Variants in GALNT13 observed in about 807,000 individuals in gnomAD.
GALNT13 encodes the protein UDP-GalNAc:polypeptide N-acetylgalactosaminyltransferase 13.
GALNT13 carries 28 observed loss-of-function variants against 64.2 expected under a neutral mutation model. That is an observed-to-expected ratio of 0.44 (90% CI 0.32 to 0.60). The LOEUF (loss-of-function observed/expected upper bound fraction) is 0.60, where lower values mean the gene tolerates loss of function less well. Among genes scored for constraint, GALNT13 ranks in the 20% least tolerant of loss-of-function variants. GALNT13 has a pLI of 0.05. For missense variants in GALNT13, 577 were observed against 669.8 expected (o/e 0.86, Z 1.53); for synonymous variants, 214 against 224.6 (o/e 0.95, Z 0.42).
At chr2:153,254,516 G>A in the GALNT13 span, among the ~76,000 whole-genome samples, 2 of 152,124 alleles carry the variant, frequency 1.3e-5, no homozygotes, top group Non-Finnish European at 2.9e-5. Context: ...GCTAGCTTTT[G>A]AATATGTTTG....
intron 9 of GALNT13, among the ~76,000 whole-genome samples, chr2:154,313,437 TACAC>T (rs149447992): frequency 8.7e-5 from 12 of 137,500 alleles, no homozygotes; most frequent in Non-Finnish European, 1.3e-4. Context: ...TATATATATA[TACAC>T]ACACACACAA....
chr2:153,513,456 A>G, the GALNT13 span, among the ~76,000 whole-genome samples: 6 of 152,166 alleles, frequency 3.9e-5, no homozygotes. Context: ...ATGCTTGTCA[A>G]TATCTATGTC....
chr2:153,657,967 T>G, the GALNT13 span, among the ~76,000 whole-genome samples: 1 of 152,086 alleles, frequency 6.6e-6, no homozygotes, highest in African/African-American at 2.4e-5. Context: ...TAAGTCTGCC[T>G]TCTGCAGCAT....
chr2:153,208,973 CTTTTTTTTT>C, the GALNT13 span, among the ~76,000 whole-genome samples: 4 of 74,682 alleles, frequency 5.4e-5, no homozygotes, highest in South Asian at 5.2e-4. Flanking sequence ...TGGTTTTGGT[CTTTTTTTTT>C]TTTTTTTTTT....
intron 1 of GALNT13, among the ~76,000 whole-genome samples, chr2:153,888,485 G>A (rs926006637): frequency 6.6e-6 from 1 of 151,852 alleles, no homozygotes; most frequent in Non-Finnish European, 1.5e-5. Context: ...AAACCTATTA[G>A]AACTTTTGCC....
In GALNT13 at chr2:154,199,951, G is replaced by A. The variant is rs1050230067; in HGVS notation, c.312-42079G>A. Among the ~76,000 whole-genome samples the A allele has an allele frequency of 5.3e-5, 8 of 151,844 alleles. No individual in the cohort carries two copies. The South Asian group carries it at 1.0e-3, about 20-fold the overall frequency. On this transcript the variant is annotated intron_variant, in intron 4 of 12. Transcript: ENST00000392825. ...TTATATCCTTGATTTTATAATTACC[G>A]AGCAAGAATTCCAGAGATATGCACA...
chr2:153,198,682 C>T, the GALNT13 span, among the ~76,000 whole-genome samples: 2 of 152,240 alleles, frequency 1.3e-5, no homozygotes, highest in Middle Eastern at 3.4e-3. Context: ...CACTCTTTTG[C>T]CTTCTTTTCT....
chr2:153,401,001 C>G, the GALNT13 span, among the ~76,000 whole-genome samples: 8 of 151,098 alleles, frequency 5.3e-5, no homozygotes, highest in Non-Finnish European at 1.0e-4. Flanking sequence ...TTTTCTAGTT[C>G]TTTTAATTGT....
intron 3 of GALNT13, among the ~76,000 whole-genome samples, chr2:154,072,443 G>A (rs1357137621): frequency 6.6e-6 from 1 of 151,970 alleles, no homozygotes; most frequent in Non-Finnish European, 1.5e-5. Context: ...GTTTTTTTAT[G>A]ATCAAAGAGA....
At chr2:154,110,921 A>T (rs969945068) in intron 3 of GALNT13, among the ~76,000 whole-genome samples, 1 of 152,188 alleles carries the variant, frequency 6.6e-6, no homozygotes, top group Non-Finnish European at 1.5e-5. Flanking sequence ...AAATGCATCA[A>T]TCCGGAACCC....
At chr2:153,369,048 TTAAG>T in the GALNT13 span, among the ~76,000 whole-genome samples, 1 of 152,018 alleles carries the variant, frequency 6.6e-6, no homozygotes, top group Non-Finnish European at 1.5e-5. Context: ...TATTTGGAAA[TTAAG>T]TATCATACTT....
intron 3 of GALNT13, among the ~76,000 whole-genome samples, chr2:154,062,274 T>C (rs1026388074): frequency 2.6e-5 from 4 of 152,216 alleles, no homozygotes; most frequent in Non-Finnish European, 4.4e-5. Context: ...TCATTATAGA[T>C]GTAATAAATT....
chr2:154,135,904 C>A (rs925326018), intron 3 of GALNT13, among the ~76,000 whole-genome samples: 1 of 152,120 alleles, frequency 6.6e-6, no homozygotes, highest in Admixed American at 6.5e-5. Context: ...GGCAAAAGAG[C>A]ATGATCTGGG....
chr2:153,135,988 G>A, the GALNT13 span, among the ~76,000 whole-genome samples: 1 of 151,922 alleles, frequency 6.6e-6, no homozygotes, highest in Non-Finnish European at 1.5e-5. Context: ...ATGCAGGAAT[G>A]GTTGGTCAAT....
In GALNT13 at chr2:154,025,816, T is replaced by G. The variant is rs1697917171; in HGVS notation, c.142+81177T>G. ...ATTCAATTCAGGTCACTCAATTCTT[T>G]GAGGGAAAGGGGGTAAGCAACTACT... is the stretch of plus-strand genomic sequence containing the variant. On this transcript the variant is annotated intron_variant, in intron 3 of 12. Coordinates refer to ENST00000392825, the MANE Select transcript of GALNT13 (RefSeq NM_052917.4). 2.0e-5 allele frequency among the ~76,000 whole-genome samples: 3 copies of G among 152,280 alleles called. No individual in the cohort carries two copies. The South Asian group carries it at 6.2e-4, about 32-fold the overall frequency.
chr2:153,882,118 TA>T (rs1362259222), intron 1 of GALNT13, among the ~76,000 whole-genome samples: 1 of 150,666 alleles, frequency 6.6e-6, no homozygotes, highest in African/African-American at 2.4e-5. Flanking sequence ...GATTAAAAGT[TA>T]TAAAACTATT....
At chr2:153,758,319 T>C in the GALNT13 span, among the ~76,000 whole-genome samples, 2 of 151,138 alleles carry the variant, frequency 1.3e-5, no homozygotes, top group Admixed American at 1.3e-4. Flanking sequence ...TTTTTTTGGC[T>C]CTCTATTCTG....
chr2:153,364,142 T>C, the GALNT13 span, among the ~76,000 whole-genome samples: 2 of 152,238 alleles, frequency 1.3e-5, no homozygotes, highest in African/African-American at 4.8e-5. Context: ...AAAAACCACA[T>C]GATTATCTCA....
intron 8 of GALNT13, among the ~76,000 whole-genome samples, chr2:154,297,135 T>C (rs6733458): frequency 1 from 151,609 of 152,350 alleles, 75,438 homozygotes; most frequent in Middle Eastern, 1. Flanking sequence ...ATTTTGTTTA[T>C]ATTCACAGTG....
Sources: allele counts gnomAD v4.1 joint callset (sites outside exome capture counted in the v4.1 genomes callset), GRCh38; gene constraint gnomAD v4.1.1; transcripts MANE v1.5; gene names NCBI Gene and HGNC (gene_info 2026-07-23, HGNC 2026-07-21).